SMARCD3: variants seen among roughly 807,000 people sequenced by gnomAD.
The protein encoded by SMARCD3 is SWI/SNF-related matrix-associated actin-dependent regulator of chromatin subfamily D member 3.
SMARCD3 carries 14 observed loss-of-function variants against 58.0 expected under a neutral mutation model. The ratio of observed to expected loss-of-function variants is 0.24; its 90% CI spans 0.16 to 0.38. The LOEUF (loss-of-function observed/expected upper bound fraction) is 0.38. SMARCD3 is among the 10% of genes least tolerant of loss of function. The probability of loss-of-function intolerance (pLI) is 1.00; values close to 1 mark genes in which losing one functional copy is unlikely to be tolerated. For synonymous variants in SMARCD3, 253 were observed against 253.8 expected (o/e 1.00, Z 0.03); for missense variants, 408 against 636.9 (o/e 0.64, Z 3.87).
In SMARCD3 at chr7:151,239,558, A is replaced by G; in HGVS notation, c.1297-61T>C. 1 of 1,611,278 alleles carries G rather than the reference A, an allele frequency of 6.2e-7. No homozygotes were observed. The highest frequency in any genetic ancestry group is 8.5e-7 in the Non-Finnish European group (1 of 1,177,766). Reference sequence around the variant, plus strand: ...ATCCCCTCACCTGCCCCTGGAGTACAACGTTTACTCTCTTTCCCGCTGTGC... The same window carrying G: ...ATCCCCTCACCTGCCCCTGGAGTACGACGTTTACTCTCTTTCCCGCTGTGC... On this transcript the variant is annotated intron_variant, in intron 11 of 12. Coordinates refer to ENST00000262188, the MANE Select transcript of SMARCD3 (RefSeq NM_001003801.2). The surrounding 1 kb of genome is among the most constrained non-coding windows in gnomAD (Gnocchi z 7.0).
intron 2 of SMARCD3, among the ~76,000 whole-genome samples, chr7:151,272,582 C>T (rs1795210612): frequency 1.3e-5 from 2 of 152,090 alleles, no homozygotes; most frequent in Non-Finnish European, 1.5e-5. Context: ...CTGTGTGGGG[C>T]GCACGCTCAT....
chr7:151,270,918 A>C (rs1795155290), intron 2 of SMARCD3, among the ~76,000 whole-genome samples: 1 of 152,164 alleles, frequency 6.6e-6, no homozygotes, highest in Non-Finnish European at 1.5e-5. Context: ...TAGGAAATAA[A>C]ATCAAATAAA....
At chr7:151,257,770 G>A (rs1056026093) in intron 2 of SMARCD3, among the ~76,000 whole-genome samples, 15 of 152,062 alleles carry the variant, frequency 9.9e-5, no homozygotes, top group African/African-American at 1.5e-4. Flanking sequence ...ATGCAGGAGC[G>A]CCAGGACTCA....
chr7:151,239,228 C>T lies in SMARCD3; in HGVS notation c.1399-72G>A. On this transcript the variant is annotated intron_variant, in intron 12 of 12. Coordinates refer to ENST00000262188, the MANE Select transcript of SMARCD3 (RefSeq NM_001003801.2). The surrounding 1 kb of genome is among the most constrained non-coding windows in gnomAD (Gnocchi z 7.0). ...TGATCAGGACAATCCCACCTACTGACACCGCCTGCCCTGAAAGAGCATCTG... is the reference window on the plus strand; with the variant it reads ...TGATCAGGACAATCCCACCTACTGATACCGCCTGCCCTGAAAGAGCATCTG... The T allele has an allele frequency of 3.3e-6, 5 of 1,517,336 alleles. No homozygotes were observed. The highest frequency in any genetic ancestry group is 1.7e-5 in the Admixed American group (1 of 59,830). 94.0% of individuals were successfully genotyped at this position (1,517,336 alleles called of 1,614,324 possible). A position where few individuals can be genotyped will look rare whatever the true frequency, so the allele number is the denominator to read the frequency against.
Position 151,239,994 on chromosome 7 carries a change from T to TC in SMARCD3, c.1173+117_1173+118insG, listed in dbSNP as rs1337661049. 1 of 1,135,058 alleles carries TC rather than the reference T, an allele frequency of 8.8e-7. No individual in the cohort carries two copies. The highest frequency in any genetic ancestry group is 1.2e-6 in the Non-Finnish European group (1 of 815,368). The allele number at this position is 1,135,058 out of a possible 1,614,324, so 70.3% of individuals were successfully genotyped here. A position where few individuals can be genotyped will look rare whatever the true frequency, so the allele number is the denominator to read the frequency against. On this transcript the variant is annotated intron_variant, in intron 10 of 12. Coordinates refer to ENST00000262188, the MANE Select transcript of SMARCD3 (RefSeq NM_001003801.2). This position sits in a 1 kb window ranked among gnomAD's most constrained non-coding sequence, Gnocchi z 7.0. The stretch of plus-strand genomic sequence containing the variant: ...TTGGCCCAGAGTCTGGTCTCTTTTT[T>TC]TTTTTTTTTTTTAATTTAACCCAGA...
upstream of SMARCD3, among the ~76,000 whole-genome samples, chr7:151,252,322 G>A (rs73169674): frequency 0.093 from 14,210 of 152,078 alleles, 708 homozygotes; most frequent in Non-Finnish European, 0.11. Context: ...CGGATTGCTT[G>A]GGAGAGAGCT....
chr7:151,248,549 T>C lies in SMARCD3; in HGVS notation c.14A>G (p.Glu5Gly). 1 of 1,613,772 alleles carries C rather than the reference T, an allele frequency of 6.2e-7. No individual in the cohort carries two copies. The change falls in exon 1 of 13, where the codon GAA becomes GGA. Residue 5 changes from glutamate (E) to glycine (G), a missense_variant. By Grantham distance (98) the Glu-to-Gly change is moderately conservative. This residue lies in a region of SMARCD3 where 84 missense variants were observed against 81.2 expected (regional missense o/e 1.03). Transcript: ENST00000262188. The surrounding 1 kb of genome is among the most constrained non-coding windows in gnomAD (Gnocchi z 6.1). MAADEVAGGARKATK... is the reference protein window; with the variant it reads MAADGVAGGARKATK... ...GGCTTTGCGCGCCCCTCCGGCAACT[T>C]CGTCCGCGGCCATCGGGGTGGGCTC...
rs968708647 is a variant in SMARCD3, at chr7:151,246,720, G to T, written c.79-1049C>A. On this transcript the variant is annotated intron_variant, in intron 1 of 12. Coordinates refer to ENST00000262188, the MANE Select transcript of SMARCD3 (RefSeq NM_001003801.2). This position sits in a 1 kb window ranked among gnomAD's most constrained non-coding sequence, Gnocchi z 4.4. ...CTGGGTGGTCAGATGGGGTGTAAAT[G>T]AGATGCAAATGCATCGAGCGAAGTG... Among the ~76,000 whole-genome samples the T allele has an allele frequency of 2.0e-5, 3 of 152,098 alleles. No homozygotes were observed. Among genetic ancestry groups the T allele is most frequent in the African/African-American group, 7.2e-5 (3 of 41,410 alleles).
chr7:151,257,534 C>T (rs1355437297), intron 2 of SMARCD3, among the ~76,000 whole-genome samples: 1 of 152,116 alleles, frequency 6.6e-6, no homozygotes, highest in Admixed American at 6.5e-5. Context: ...ACCATATTGG[C>T]CAGGCTGGTC....
chr7:151,254,646 C>G (rs1456369522), intron 2 of SMARCD3, among the ~76,000 whole-genome samples: 1 of 152,352 alleles, frequency 6.6e-6, no homozygotes, highest in Non-Finnish European at 1.5e-5. Flanking sequence ...CAGCCCTCCT[C>G]TTTCTTAGTG....
At position 151,239,753 on chromosome 7, in the gene SMARCD3, G is replaced by A; in HGVS notation, c.1174-7C>T. 6.2e-7 allele frequency: 1 copy of A among 1,611,668 alleles called. No homozygotes were observed. Among genetic ancestry groups the A allele is most frequent in the Non-Finnish European group, 8.5e-7 (1 of 1,178,854 alleles). On this transcript the variant is annotated splice_polypyrimidine_tract_variant and splice_region_variant and intron_variant, in intron 10 of 12. Coordinates refer to ENST00000262188, the MANE Select transcript of SMARCD3 (RefSeq NM_001003801.2). The surrounding 1 kb of genome is among the most constrained non-coding windows in gnomAD (Gnocchi z 7.0). Reference sequence around the variant, plus strand: ...ACTCAATCGTCTCATGGATCTGCAGGTAGAAAGATAGATGCTTTCCACCTG... The same window carrying A: ...ACTCAATCGTCTCATGGATCTGCAGATAGAAAGATAGATGCTTTCCACCTG...
At chr7:151,266,508 C>T (rs1361666841) in intron 2 of SMARCD3, among the ~76,000 whole-genome samples, 1 of 152,142 alleles carries the variant, frequency 6.6e-6, no homozygotes, top group Non-Finnish European at 1.5e-5. Flanking sequence ...GTGTGACCAT[C>T]GATCTGCATC....
chr7:151,242,361 G>C lies in SMARCD3; in HGVS notation c.579+120C>G, dbSNP rs1803037083. The C allele has an allele frequency of 6.8e-7, 1 of 1,462,286 alleles. No individual in the cohort carries two copies. Among genetic ancestry groups the C allele is most frequent in the South Asian group, 1.2e-5 (1 of 85,678 alleles). 90.6% of individuals were successfully genotyped at this position (1,462,286 alleles called of 1,614,324 possible). A position where few individuals can be genotyped will look rare whatever the true frequency, so the allele number is the denominator to read the frequency against. ...TCCTCTGCACTTGGAATGTCTCTAG[G>C]CCTGCCCCTCCACCCAGCCTGGGCT... is the stretch of plus-strand genomic sequence containing the variant. On this transcript the variant is annotated intron_variant, in intron 5 of 12. Coordinates refer to ENST00000262188, the MANE Select transcript of SMARCD3 (RefSeq NM_001003801.2). The surrounding 1 kb of genome is among the most constrained non-coding windows in gnomAD (Gnocchi z 4.7).
At chr7:151,240,657 A>T in intron 8 of SMARCD3, 135 bp from the exon 9 acceptor site, 611 of 447,692 alleles carry the variant, frequency 1.4e-3, no homozygotes, top group Middle Eastern at 2.9e-3. Flanking sequence ...TGGGGATGGG[A>T]TTGGGGTGGG....
intron 1 of SMARCD3, among the ~76,000 whole-genome samples, chr7:151,276,524 G>A (rs547658878): frequency 2.7e-5 from 4 of 147,484 alleles, no homozygotes; most frequent in Middle Eastern, 3.5e-3. Flanking sequence ...GGAGAGGGAA[G>A]GAGGGGAAGA....
intron 8 of SMARCD3, 30 bp from the exon 9 acceptor site, chr7:151,240,552 T>C: frequency 1.0e-4 from 138 of 1,364,888 alleles, no homozygotes; most frequent in Non-Finnish European, 1.3e-4. Context: ...GAGAGAGAGA[T>C]CACTCTTCTT....
chr7:151,267,216 T>C (rs1030828664), intron 2 of SMARCD3, among the ~76,000 whole-genome samples: 1 of 152,208 alleles, frequency 6.6e-6, no homozygotes, highest in African/African-American at 2.4e-5. Context: ...GAGCTTAGCC[T>C]ACAAAACAGT....
intron 2 of SMARCD3, among the ~76,000 whole-genome samples, chr7:151,267,707 T>C (rs1456736463): frequency 1.3e-5 from 2 of 152,232 alleles, no homozygotes; most frequent in Non-Finnish European, 2.9e-5. Flanking sequence ...CCAGGTGCAG[T>C]GGCCCAAGCC....
chr7:151,256,215 C>T (rs1473151384), intron 2 of SMARCD3, among the ~76,000 whole-genome samples: 1 of 141,836 alleles, frequency 7.1e-6, no homozygotes, highest in East Asian at 2.1e-4. Flanking sequence ...AGAGTGTCGC[C>T]CTGTTGCCCA....
Sources: allele counts gnomAD v4.1 joint callset (sites outside exome capture counted in the v4.1 genomes callset), GRCh38; gene constraint gnomAD v4.1.1; regional missense constraint gnomAD v4.1.1; non-coding constraint Gnocchi (gnomAD v3.1); transcripts MANE v1.5; gene names NCBI Gene and HGNC (gene_info 2026-07-23, HGNC 2026-07-21).